The following TTN variants were observed in gnomAD, a reference collection of about 807,000 sequenced individuals.
TTN encodes the protein titin.
A neutral mutation model predicts 3,223.0 loss-of-function variants in TTN; 1,525 were observed. The observed-to-expected ratio is 0.47, with a 90% CI of 0.45 to 0.49. TTN has a LOEUF of 0.49. Among genes scored for constraint, TTN ranks in the 20% least tolerant of loss-of-function variants. The pLI is 0.00. For missense variants in TTN, 40,786 were observed against 43,424.0 expected, an observed-to-expected ratio of 0.94 and a Z score of 5.40; for synonymous variants, 14,094 against 15,161.0, an observed-to-expected ratio of 0.93 and a Z score of 5.17.
intron 275 of TTN, 39 bp downstream of exon 275, chr2:178,608,139 G>C (rs982563672): frequency 3.7e-6 from 6 of 1,602,692 alleles, no homozygotes; most frequent in Non-Finnish European, 3.4e-6. Context: ...ATGTACAATA[G>C]CTTGTTCTAC....
In TTN at chr2:178,647,052, A is replaced by G; in HGVS notation, c.40222+12T>C. On this transcript the variant is annotated intron_variant, in intron 215 of 362. Transcript: ENST00000589042. ...AGATTAAAAAAATGTATATATATAT[A>G]TATATATATACCTTCAACAGGGGGA... The G allele has an allele frequency of 2.2e-6, 2 of 900,736 alleles. No homozygotes were observed. The highest frequency in any genetic ancestry group is 4.3e-5 in the South Asian group (1 of 23,260). The allele number at this position is 900,736 out of a possible 1,614,324, so 55.8% of individuals were successfully genotyped here.
chr2:178,804,364 CATT>C (rs2094212007), intron 2 of TTN, among the ~76,000 whole-genome samples, 185 bp downstream of exon 2: 1 of 152,084 alleles, frequency 6.6e-6, no homozygotes, highest in African/African-American at 2.4e-5. Context: ...CATTTCAAGC[CATT>C]ATATTGTCAG....
Position 178,572,181 on chromosome 2 carries a change from A to G in TTN, c.73951T>C (p.Tyr24651His). 6.2e-7 allele frequency: 1 copy of G among 1,613,462 alleles called. No homozygotes were observed. Among genetic ancestry groups the G allele is most frequent in the Non-Finnish European group, 8.5e-7 (1 of 1,179,630 alleles). ...CCTTTGGTCTGCATCTCCACAATGT[A>G]GCCTAGAATTCGGCTGCCTCCATCA... ...EHDGGSRILGYIVEMQTKGSD... is the reference protein window; with the variant it reads ...EHDGGSRILGHIVEMQTKGSD... The change falls in exon 326 of 363, where the codon TAC becomes CAC. Residue 24651 changes from tyrosine (Y) to histidine (H), a missense_variant. Transcript: ENST00000589042.
chr2:178,647,290 A>C, intron 214 of TTN, 91 bp downstream of exon 214: 1 of 1,427,190 alleles, frequency 7.0e-7, no homozygotes. Flanking sequence ...ACTTCAATAC[A>C]GACAGACAAA....
intron 17 of TTN, 63 bp downstream of exon 17, chr2:178,783,657 C>A: frequency 7.4e-7 from 1 of 1,352,298 alleles, no homozygotes; most frequent in Non-Finnish European, 1.1e-6. Context: ...TCTTTGCAAA[C>A]GTGTATTAAA....
At position 178,756,778 on chromosome 2, in the gene TTN, T is replaced by C. The variant is rs1199564481; in HGVS notation, c.10698A>G (p.Gln3566=). 1.2e-6 allele frequency: 2 copies of C among 1,613,578 alleles called. No individual in the cohort carries two copies. The highest frequency in any genetic ancestry group is 2.7e-5 in the African/African-American group (2 of 74,922). Residue 3566 remains glutamine (Q), a synonymous_variant, in exon 46 of 363, where the codon CAA becomes CAG. Coordinates refer to ENST00000589042, the MANE Select transcript of TTN (RefSeq NM_001267550.2). The part of the protein sequence containing the change: ...VTPKVQALDR[Q]SSGKDVREST... Reference sequence around the variant, plus strand: ...ACTCTCTTACATCTTTCCCAGAACTTTGCCTATCTAGGGCTTGCACTGTAT... The same window carrying C: ...ACTCTCTTACATCTTTCCCAGAACTCTGCCTATCTAGGGCTTGCACTGTAT...
chr2:178,573,244 C>T lies in TTN; in HGVS notation c.72888G>A (p.Arg24296=), dbSNP rs1336281841. ...GLTEGHEYEF[R]IMAENAAGIS... ...TTCCAGCAGCATTTTCAGCCATAAT[C>T]CTGAACTCATATTCATGTCCTTCTG... Residue 24296 remains arginine, a synonymous_variant, in exon 326 of 363, where the codon AGG becomes AGA. Coordinates refer to ENST00000589042, the MANE Select transcript of TTN (RefSeq NM_001267550.2). 1 of 1,606,852 alleles carries T rather than the reference C, an allele frequency of 6.2e-7. No homozygotes were observed. The highest frequency in any genetic ancestry group is 8.5e-7 in the Non-Finnish European group (1 of 1,175,736).
Position 178,553,021 on chromosome 2 carries a change from T to C in TTN, c.89879A>G (p.Asp29960Gly), listed in dbSNP as rs1426747610. 6.2e-7 allele frequency: 1 copy of C among 1,611,568 alleles called. No homozygotes were observed. The highest frequency in any genetic ancestry group is 2.2e-5 in the East Asian group (1 of 44,814). ...VTLLWDPPLI[D>G]GGSPIINYVI... ...ATAATTAATTATTGGAGATCCTCCA[T>C]CAATGAGAGGAGGATCCCAGAGCAA... The change falls in exon 335 of 363, where the codon GAT becomes GGT. Residue 29960 changes from aspartate to glycine, a missense_variant. Physicochemically the swap from Asp to Gly is moderately conservative, Grantham distance 94 (BLOSUM62 -1). Coordinates refer to ENST00000589042, the MANE Select transcript of TTN (RefSeq NM_001267550.2).
In TTN at chr2:178,537,163, C is replaced by T. The variant is rs374295768; in HGVS notation, c.99946G>A (p.Ala33316Thr). The T allele has an allele frequency of 1.4e-4, 220 of 1,613,608 alleles. 4 individuals are homozygous for T. The highest frequency in any genetic ancestry group is 1.0e-3 in the South Asian group (94 of 91,052). The change falls in exon 356 of 363, where the codon GCA (alanine) becomes ACA (threonine). Residue 33316 changes from alanine to threonine, a missense_variant. Physicochemically the swap from Ala to Thr is moderately conservative, Grantham distance 58 (BLOSUM62 0). Coordinates refer to ENST00000589042, the MANE Select transcript of TTN (RefSeq NM_001267550.2). Reference sequence around the variant, plus strand: ...GTGATCCAGGAGCCTCCGTCATCTGCGGGTGGTTTCCAGCTGATCACTGCG... The same window carrying T: ...GTGATCCAGGAGCCTCCGTCATCTGTGGGTGGTTTCCAGCTGATCACTGCG... Reference protein sequence around the residue: ...NSAVISWKPPADDGGSWITNY... With the variant: ...NSAVISWKPPTDDGGSWITNY...
rs727504720 is a variant in TTN at position 178,616,815 on chromosome 2, C to T, written c.48074G>A (p.Ser16025Asn). ...SAYAELVISP[S>N]ERSDKGIYTL... ...ATAAATGCCCTTGTCTGAACGTTCA[C>T]TTGGAGAAATGACAAGTTCGGCATA... The change falls in exon 256 of 363, where the codon AGT becomes AAT. Residue 16025 changes from serine (S) to asparagine (N), a missense_variant. Ser to Asn is a conservative substitution (Grantham distance 46). Transcript: ENST00000589042. 6.2e-7 allele frequency: 1 copy of T among 1,612,758 alleles called. No individual in the cohort carries two copies. The highest frequency in any genetic ancestry group is 8.5e-7 in the Non-Finnish European group (1 of 1,179,186).
chr2:178,752,043 G>GAAAAAAAAAAAAA (rs58651353), intron 47 of TTN: 1 of 1,322,332 alleles, frequency 7.6e-7, no homozygotes, highest in Non-Finnish European at 1.0e-6. Flanking sequence ...AATAATTCTG[G>GAAAAAAAAAAAAA]AAAAAAAAAA....
chr2:178,600,255 A>G (rs2052979566), intron 288 of TTN, among the ~76,000 whole-genome samples: 2 of 151,874 alleles, frequency 1.3e-5, no homozygotes, highest in South Asian at 4.2e-4. Flanking sequence ...TAAGAAATAT[A>G]ACTGTTAATA....
intron 294 of TTN, among the ~76,000 whole-genome samples, 171 bp downstream of exon 294, chr2:178,597,367 A>G (rs2051982742): frequency 6.6e-6 from 1 of 152,120 alleles, no homozygotes; most frequent in African/African-American, 2.4e-5. Context: ...ATACACATAG[A>G]ATAAAAAAGT....
Position 178,776,142 on chromosome 2 carries a change from C to G in TTN, c.5722G>C (p.Gly1908Arg). Residue 1908 changes from glycine (G) to arginine (R), a missense_variant, in exon 28 of 363, where the codon GGT becomes CGT. Gly to Arg is a moderately radical substitution (Grantham distance 125). Coordinates refer to ENST00000589042, the MANE Select transcript of TTN (RefSeq NM_001267550.2). ...TTTTCCGCGGTGACCTTCACTTCAC[C>G]TGTGTCATATGATTTGCAGTCCACG... ...DIVDCKSYDT[G>R]EVKVTAENPE... The G allele has an allele frequency of 6.2e-7, 1 of 1,614,156 alleles. No homozygotes were observed. The highest frequency in any genetic ancestry group is 8.5e-7 in the Non-Finnish European group (1 of 1,180,012).
Position 178,777,148 on chromosome 2 carries a change from C to A in TTN, c.4814+1G>T. The A allele has an allele frequency of 6.2e-7, 1 of 1,614,008 alleles. No individual in the cohort carries two copies. Among genetic ancestry groups the A allele is most frequent in the Non-Finnish European group, 8.5e-7 (1 of 1,179,946 alleles). The stretch of plus-strand genomic sequence containing the variant: ...CTTAGCTTTATTATTTCCATACTTA[C>A]CTGATTTTGGGATATTTATGAGGCA... On this transcript the variant is annotated splice_donor_variant, in intron 27 of 362. Transcript: ENST00000589042. LOFTEE classifies it high-confidence loss of function.
In TTN at chr2:178,733,792, G is replaced by A; in HGVS notation, c.15597C>T (p.Val5199=). 6.2e-7 allele frequency: 1 copy of A among 1,613,740 alleles called. No individual in the cohort carries two copies. Among genetic ancestry groups the A allele is most frequent in the South Asian group, 1.1e-5 (1 of 91,068 alleles). Residue 5199 remains valine (V), a synonymous_variant, in exon 53 of 363, where the codon GTC becomes GTT. Coordinates refer to ENST00000589042, the MANE Select transcript of TTN (RefSeq NM_001267550.2). ...AAVRGSEPIS[V]TWMKGQEVIR... is the part of the protein sequence containing the mutation. ...TGACCTCTTGACCTTTCATCCATGT[G>A]ACAGAAATGGGCTCTGACCCTCTCA...
At chr2:178,749,440 CT>C (rs2084730739) in intron 47 of TTN, 1 of 1,612,906 alleles carries the variant, frequency 6.2e-7, no homozygotes, top group South Asian at 1.1e-5. Flanking sequence ...CCTGCTCTTT[CT>C]GGTCTATTTG....
chr2:178,580,632 G>A (rs749254518), intron 316 of TTN, 23 bp from the exon 317 acceptor site: 1 of 1,582,744 alleles, frequency 6.3e-7, no homozygotes, highest in South Asian at 1.2e-5. Flanking sequence ...GGGTGAAGAA[G>A]TTAAATAAAA....
chr2:178,754,777 G>A (rs933020858), intron 46 of TTN, among the ~76,000 whole-genome samples: 2 of 152,176 alleles, frequency 1.3e-5, no homozygotes, highest in Admixed American at 1.3e-4. Flanking sequence ...CTCAGTTCTT[G>A]AGATATTGCC....
Sources: gnomAD v4.1 joint callset for allele counts (sites outside exome capture counted in the v4.1 genomes callset) on GRCh38, gnomAD v4.1.1 for gene constraint, MANE v1.5 for transcripts, NCBI Gene and HGNC (gene_info 2026-07-23, HGNC 2026-07-21) for gene names.